Variants in GARNL3 observed in about 807,000 individuals in gnomAD.
GARNL3 encodes GTPase activating Rap/RanGAP domain like 3, also known as GTPase-activating Rap/Ran-GAP domain-like protein 3.
Under a neutral mutation model 125.0 loss-of-function variants are expected in GARNL3, and 63 were observed. The observed-to-expected ratio is 0.50, with a 90% CI of 0.41 to 0.62. The LOEUF (loss-of-function observed/expected upper bound fraction) is 0.62, where lower values mean the gene tolerates loss of function less well. Among genes scored for constraint, GARNL3 ranks in the 20% least tolerant of loss-of-function variants. The probability of loss-of-function intolerance (pLI) is 0.00; values close to 1 mark genes in which losing one functional copy is unlikely to be tolerated. For missense variants in GARNL3, 994 were observed against 1,244.0 expected (o/e 0.80, Z 3.02); for synonymous variants, 439 against 457.5 (o/e 0.96, Z 0.52).
chr9:127,311,755 G>T lies in GARNL3; in HGVS notation c.319+20G>T, dbSNP rs2065103909. Reference sequence around the variant, plus strand: ...GACAAGGTAATTATGCTATTGTGGTGGTAGGGAAGAAAGGGTATTCAAAAT... The same window carrying T: ...GACAAGGTAATTATGCTATTGTGGTTGTAGGGAAGAAAGGGTATTCAAAAT... On this transcript the variant is annotated intron_variant, in intron 3 of 27. Coordinates refer to ENST00000373387, the MANE Select transcript of GARNL3 (RefSeq NM_032293.5). 1 of 1,512,744 alleles carries T rather than the reference G, an allele frequency of 6.6e-7. No individual in the cohort carries two copies. Among genetic ancestry groups the T allele is most frequent in the South Asian group, 1.1e-5 (1 of 88,850 alleles). 93.7% of individuals were successfully genotyped at this position (1,512,744 alleles called of 1,614,324 possible). A position where few individuals can be genotyped will look rare whatever the true frequency, so the allele number is the denominator to read the frequency against.
intron 2 of GARNL3, among the ~76,000 whole-genome samples, chr9:127,245,749 C>T (rs1222660194): frequency 1.3e-5 from 2 of 152,206 alleles, no homozygotes; most frequent in South Asian, 2.1e-4. Context: ...TTCACAAAAC[C>T]CCAATGAGAT....
chr9:127,279,795 A>G (rs1487623247), intron 1 of GARNL3, among the ~76,000 whole-genome samples: 5 of 152,162 alleles, frequency 3.3e-5, no homozygotes, highest in Admixed American at 3.3e-4. Flanking sequence ...TCAAACAAAA[A>G]CAAAGAGCTA....
chr9:127,344,593 A>C (rs1030462637), intron 15 of GARNL3, among the ~76,000 whole-genome samples: 1 of 152,222 alleles, frequency 6.6e-6, no homozygotes, highest in Admixed American at 6.5e-5. Context: ...CACAGGGCCC[A>C]GCTCTGGGCC....
intron 4 of GARNL3, among the ~76,000 whole-genome samples, chr9:127,317,290 A>G (rs1039383170): frequency 3.3e-5 from 5 of 152,246 alleles, no homozygotes; most frequent in African/African-American, 1.2e-4. Context: ...AAAAGTGTGC[A>G]TTATGAAAAT....
intron 1 of GARNL3, 117 bp downstream of exon 1, chr9:127,265,138 G>T: frequency 1.4e-6 from 1 of 740,364 alleles, no homozygotes; most frequent in East Asian, 2.8e-5. Flanking sequence ...TACAGTGTAA[G>T]GATTGGATTG....
intron 6 of GARNL3, 132 bp downstream of exon 6, chr9:127,320,910 T>C (rs1057507881): frequency 3.2e-6 from 2 of 634,614 alleles, no homozygotes; most frequent in Non-Finnish European, 5.6e-6. Context: ...AAAATCATCA[T>C]GGGAGAACCT....
chr9:127,306,929 TAATG>T (rs982627029), intron 2 of GARNL3, among the ~76,000 whole-genome samples: 1 of 152,108 alleles, frequency 6.6e-6, no homozygotes, highest in Non-Finnish European at 1.5e-5. Context: ...ATACATTAAA[TAATG>T]AATCTAGCAG....
intron 2 of GARNL3, among the ~76,000 whole-genome samples, chr9:127,297,201 C>T (rs1047711573): frequency 9.9e-5 from 15 of 152,098 alleles, no homozygotes; most frequent in Non-Finnish European, 2.1e-4. Flanking sequence ...TGCAGTGGTG[C>T]AGTGATGGCT....
In GARNL3 at chr9:127,387,181, C is replaced by T. The variant is rs1215877281; in HGVS notation, c.2389-12C>T. On this transcript the variant is annotated splice_polypyrimidine_tract_variant and intron_variant, in intron 24 of 27. Coordinates refer to ENST00000373387, the MANE Select transcript of GARNL3 (RefSeq NM_032293.5). ...ACCAGGCAGCCCGGTAATGCTCTCT[C>T]TTCCTTTCTAGTCGGATATATACTT... 6.2e-7 allele frequency: 1 copy of T among 1,609,094 alleles called. No individual in the cohort carries two copies. The highest frequency in any genetic ancestry group is 8.5e-7 in the Non-Finnish European group (1 of 1,177,326).
At chr9:127,328,416 T>G (rs530751659) in intron 7 of GARNL3, among the ~76,000 whole-genome samples, 1 of 152,290 alleles carries the variant, frequency 6.6e-6, no homozygotes, top group Admixed American at 6.5e-5. Flanking sequence ...AACTATTAGC[T>G]GCAAAGATGG....
At chr9:127,227,730 G>A (rs2062939270) in intron 1 of GARNL3, among the ~76,000 whole-genome samples, 1 of 152,066 alleles carries the variant, frequency 6.6e-6, no homozygotes, top group East Asian at 1.9e-4. Flanking sequence ...ACTAGTCTGG[G>A]CTACATAGCA....
chr9:127,303,314 G>A (rs545710612), intron 2 of GARNL3, among the ~76,000 whole-genome samples: 5 of 151,988 alleles, frequency 3.3e-5, no homozygotes, highest in Admixed American at 6.6e-5. Flanking sequence ...ATATATGTAT[G>A]TGAATGTGTG....
chr9:127,275,711 G>T (rs2131310029), intron 1 of GARNL3, among the ~76,000 whole-genome samples: 1 of 152,310 alleles, frequency 6.6e-6, no homozygotes, highest in African/African-American at 2.4e-5. Context: ...TAAATGGCTG[G>T]CTCATGGTGT....
At chr9:127,332,842 G>A (rs754068429) in intron 8 of GARNL3, among the ~76,000 whole-genome samples, 181 bp from the exon 9 acceptor site, 3 of 152,196 alleles carry the variant, frequency 2.0e-5, no homozygotes, top group Admixed American at 6.5e-5. Flanking sequence ...TTTCCTTGGA[G>A]TCCTGGGAAT....
At chr9:127,388,170 G>T (rs1268539880) in intron 25 of GARNL3, among the ~76,000 whole-genome samples, 2 of 152,028 alleles carry the variant, frequency 1.3e-5, no homozygotes, top group African/African-American at 4.8e-5. Flanking sequence ...AATTAAATTA[G>T]CTGGCTGTGG....
At chr9:127,349,811 G>A (rs1830330701) in intron 17 of GARNL3, among the ~76,000 whole-genome samples, 1 of 152,174 alleles carries the variant, frequency 6.6e-6, no homozygotes, top group Non-Finnish European at 1.5e-5. Context: ...TCTCCAAAGG[G>A]CATTTCCTCG....
At chr9:127,250,013 A>G (rs1279280286) in intron 2 of GARNL3, among the ~76,000 whole-genome samples, 2 of 152,254 alleles carry the variant, frequency 1.3e-5, no homozygotes, top group African/African-American at 2.4e-5. Flanking sequence ...GTGTGAAAAA[A>G]AAGAAAGAAT....
intron 11 of GARNL3, 118 bp from the exon 12 acceptor site, chr9:127,337,998 A>T: frequency 1.3e-6 from 1 of 772,656 alleles, no homozygotes; most frequent in Admixed American, 1.9e-5. Flanking sequence ...TAAGAGTGAT[A>T]GGTGCCCTAA....
chr9:127,313,109 G>A (rs150733282), intron 3 of GARNL3, among the ~76,000 whole-genome samples: 157 of 152,274 alleles, frequency 1.0e-3, no homozygotes, highest in African/African-American at 3.7e-3. Context: ...ATGGATTCAG[G>A]AATTCCAGGC....
Sources: allele counts gnomAD v4.1 joint callset (sites outside exome capture counted in the v4.1 genomes callset), GRCh38; gene constraint gnomAD v4.1.1; transcripts MANE v1.5; gene names NCBI Gene and HGNC (gene_info 2026-07-23, HGNC 2026-07-21).